The following TMEM132B variants were observed in gnomAD, a reference collection of about 807,000 sequenced individuals.
TMEM132B encodes the protein transmembrane protein 132B.
A neutral mutation model predicts 90.8 loss-of-function variants in TMEM132B; 18 were observed. The ratio of observed to expected loss-of-function variants is 0.20; its 90% CI spans 0.14 to 0.29. TMEM132B has a LOEUF of 0.29. Ranked by LOEUF, TMEM132B falls within the 10% of genes least tolerant of loss-of-function variation. TMEM132B has a pLI of 1.00. For synonymous variants in TMEM132B, 504 were observed against 523.3 expected, an observed-to-expected ratio of 0.96 and a Z score of 0.50; for missense variants, 1,096 against 1,326.8, an observed-to-expected ratio of 0.83 and a Z score of 2.70.
chr12:125,285,061 G>A (rs1026721258), intron 1 of TMEM132B, among the ~76,000 whole-genome samples: 6 of 152,204 alleles, frequency 3.9e-5, no homozygotes, highest in Non-Finnish European at 8.8e-5. Flanking sequence ...ATTCTCCCAG[G>A]TTGGAGGGAA....
chr12:125,304,036 G>A (rs928982419), intron 1 of TMEM132B, among the ~76,000 whole-genome samples: 3 of 152,214 alleles, frequency 2.0e-5, no homozygotes, highest in African/African-American at 7.2e-5. Context: ...GACAGTGATG[G>A]GGGATTGTTT....
intron 2 of TMEM132B, among the ~76,000 whole-genome samples, chr12:125,384,027 A>G (rs1593115558): frequency 1.3e-5 from 2 of 152,052 alleles, no homozygotes; most frequent in South Asian, 4.2e-4. Flanking sequence ...GCTCATTGCA[A>G]CCTCTGCCTC....
intron 4 of TMEM132B, among the ~76,000 whole-genome samples, chr12:125,582,097 G>A (rs927119727): frequency 6.6e-6 from 1 of 151,920 alleles, no homozygotes; most frequent in Non-Finnish European, 1.5e-5. Context: ...GATGTTTTCT[G>A]TTAACAAGTA....
chr12:125,300,598 G>T (rs1223692743), intron 1 of TMEM132B, among the ~76,000 whole-genome samples: 1 of 152,184 alleles, frequency 6.6e-6, no homozygotes, highest in African/African-American at 2.4e-5. Context: ...AATTTATAGA[G>T]TGCCTACTGT....
At chr12:125,400,585 T>C (rs540388476) in intron 2 of TMEM132B, among the ~76,000 whole-genome samples, 2 of 152,302 alleles carry the variant, frequency 1.3e-5, no homozygotes, top group East Asian at 3.9e-4. Flanking sequence ...TCCTGCCCTC[T>C]GTGGATCCCT....
At chr12:125,340,443 C>T (rs1267989897) in intron 1 of TMEM132B, among the ~76,000 whole-genome samples, 2 of 152,012 alleles carry the variant, frequency 1.3e-5, no homozygotes, top group Non-Finnish European at 2.9e-5. Context: ...CCCATCTATA[C>T]ATACCCATGC....
chr12:125,479,173 A>G (rs1290943149), intron 3 of TMEM132B, among the ~76,000 whole-genome samples: 1 of 152,246 alleles, frequency 6.6e-6, no homozygotes, highest in Non-Finnish European at 1.5e-5. Context: ...AATTGTAAAG[A>G]CCATCAATGC....
intron 2 of TMEM132B, among the ~76,000 whole-genome samples, chr12:125,388,052 G>T (rs1476269134): frequency 1.3e-5 from 2 of 152,128 alleles, no homozygotes; most frequent in African/African-American, 4.8e-5. Flanking sequence ...TATACACGAG[G>T]CATGGAGGGC....
rs747056143 is a variant in TMEM132B, at chr12:125,350,221, C to T, written c.837C>T (p.Ser279=). The T allele has an allele frequency of 8.7e-6, 14 of 1,613,960 alleles. No homozygotes were observed. Among genetic ancestry groups the T allele is most frequent in the Non-Finnish European group, 1.0e-5 (12 of 1,180,024 alleles). ...CAACCCAAGATGATCTGAAGTGGTC[C>T]CTGGTGAGCTTGGACGAGAATGTGG... is the stretch of plus-strand genomic sequence containing the variant. ...VYPTQDDLKW[S]LVSLDENVVI... is the part of the protein sequence containing the mutation. Residue 279 remains serine (S), a synonymous_variant, in exon 2 of 9, where the codon TCC becomes TCT. Coordinates refer to ENST00000682704, the MANE Select transcript of TMEM132B (RefSeq NM_001366854.1).
In TMEM132B at chr12:125,408,197, A is replaced by G. The variant is rs532009566; in HGVS notation, c.960-7334A>G. On this transcript the variant is annotated intron_variant, in intron 2 of 8. Coordinates refer to ENST00000682704, the MANE Select transcript of TMEM132B (RefSeq NM_001366854.1). The surrounding 1 kb of genome is among the most constrained non-coding windows in gnomAD (Gnocchi z 5.9). ...AGGGTCGCTGTGTTGTTGTGTGGTG[A>G]TAGGCTGCTTCCTCGTTACTGCTGT... is the stretch of plus-strand genomic sequence containing the variant. 6.6e-6 allele frequency among the ~76,000 whole-genome samples: 1 copy of G among 152,290 alleles called. No individual in the cohort carries two copies. Among genetic ancestry groups the G allele is most frequent in the African/African-American group, 2.4e-5 (1 of 41,540 alleles).
At chr12:125,642,602 G>A (rs900351413) in intron 5 of TMEM132B, among the ~76,000 whole-genome samples, 3 of 152,152 alleles carry the variant, frequency 2.0e-5, no homozygotes, top group African/African-American at 7.2e-5. Flanking sequence ...TAGGAAAGGG[G>A]CTCCAAAAAT....
At chr12:125,508,196 T>A (rs142991074) in intron 3 of TMEM132B, among the ~76,000 whole-genome samples, 84 of 152,302 alleles carry the variant, frequency 5.5e-4, no homozygotes, top group African/African-American at 2.0e-3. Context: ...TTGAGAGTAG[T>A]AAATTCTCCT....
intron 4 of TMEM132B, among the ~76,000 whole-genome samples, chr12:125,569,846 G>A (rs752415079): frequency 5.9e-5 from 9 of 152,072 alleles, no homozygotes; most frequent in Non-Finnish European, 1.0e-4. Context: ...CTGGAGAGGC[G>A]TCAGAGGCTG....
At chr12:125,623,390 T>C (rs1886158667) in intron 5 of TMEM132B, among the ~76,000 whole-genome samples, 1 of 152,150 alleles carries the variant, frequency 6.6e-6, no homozygotes, top group African/African-American at 2.4e-5. Context: ...GAATCAAACC[T>C]TGTTCCATGT....
At position 125,653,838 on chromosome 12, in the gene TMEM132B, T is replaced by G; in HGVS notation, c.2380T>G (p.Phe794Val). ...AVGKGNVKVK[F>V]EPSSDEHQGG... Reference sequence around the variant, plus strand: ...GGGTAAAGGAAATGTCAAGGTCAAATTCGAACCAAGTAGTGATGAGCACCA... The same window carrying G: ...GGGTAAAGGAAATGTCAAGGTCAAAGTCGAACCAAGTAGTGATGAGCACCA... The change falls in exon 9 of 9, where the codon TTC (phenylalanine) becomes GTC (valine). Residue 794 changes from phenylalanine to valine, a missense_variant. Coordinates refer to ENST00000682704, the MANE Select transcript of TMEM132B (RefSeq NM_001366854.1). The G allele has an allele frequency of 6.2e-7, 1 of 1,614,046 alleles. No homozygotes were observed. The highest frequency in any genetic ancestry group is 8.5e-7 in the Non-Finnish European group (1 of 1,180,016).
Position 125,374,844 on chromosome 12 carries a change from G to GA in TMEM132B, c.959+24508dup, listed in dbSNP as rs1174756200. Among the ~76,000 whole-genome samples, 14 of 151,984 alleles carry GA rather than the reference G, an allele frequency of 9.2e-5. No individual in the cohort carries two copies. In the East Asian group the frequency reaches 2.3e-3, roughly 25 times the overall value. On this transcript the variant is annotated intron_variant, in intron 2 of 8. Coordinates refer to ENST00000682704, the MANE Select transcript of TMEM132B (RefSeq NM_001366854.1). ...GTGGATATTTCCAATGCTCCATACA[G>GA]AAAAAAACCCTCAATTTTGGTGGCT...
chr12:125,313,111 G>A (rs1876160992), intron 1 of TMEM132B, among the ~76,000 whole-genome samples: 2 of 152,126 alleles, frequency 1.3e-5, no homozygotes, highest in Admixed American at 1.3e-4. Flanking sequence ...TGGAATCTTG[G>A]GGCAAGCTGC....
chr12:125,229,632 T>G (rs1490554073), intron 1 of TMEM132B, among the ~76,000 whole-genome samples: 1 of 152,242 alleles, frequency 6.6e-6, no homozygotes, highest in Non-Finnish European at 1.5e-5. Flanking sequence ...GACTCAGCAC[T>G]GAAAAAATCA....
intron 5 of TMEM132B, among the ~76,000 whole-genome samples, chr12:125,603,570 G>A (rs968636356): frequency 3.3e-5 from 5 of 152,064 alleles, no homozygotes; most frequent in African/African-American, 1.2e-4. Context: ...AACACCAAAA[G>A]CAATTGCAAC....
Sources: allele counts gnomAD v4.1 joint callset (sites outside exome capture counted in the v4.1 genomes callset), GRCh38; gene constraint gnomAD v4.1.1; non-coding constraint Gnocchi (gnomAD v3.1); transcripts MANE v1.5; gene names NCBI Gene and HGNC (gene_info 2026-07-23, HGNC 2026-07-21).